The following JAKMIP3 variants were observed in gnomAD, a reference collection of about 807,000 sequenced individuals.
JAKMIP3 encodes Janus kinase and microtubule interacting protein 3.
Under a neutral mutation model 118.5 loss-of-function variants are expected in JAKMIP3, and 58 were observed. The observed-to-expected ratio is 0.49, with a 90% CI of 0.40 to 0.61. The LOEUF (loss-of-function observed/expected upper bound fraction) is 0.61, where lower values mean the gene tolerates loss of function less well. JAKMIP3 is among the 20% of genes least tolerant of loss of function. The pLI is 0.00. For synonymous variants in JAKMIP3, 486 were observed against 451.2 expected (o/e 1.08, Z -0.98); for missense variants, 950 against 1,109.0 (o/e 0.86, Z 2.04).
chr10:132,048,536 C>T (rs1400227175), intron 1 of JAKMIP3, among the ~76,000 whole-genome samples: 1 of 152,190 alleles, frequency 6.6e-6, no homozygotes, highest in Non-Finnish European at 1.5e-5. Context: ...CTTTGAGCTT[C>T]AGGAGCTCCT....
At chr10:132,147,164 G>C (rs1301866051) in intron 13 of JAKMIP3, among the ~76,000 whole-genome samples, 4 of 152,220 alleles carry the variant, frequency 2.6e-5, no homozygotes, top group African/African-American at 9.6e-5. Flanking sequence ...GCAGTACACA[G>C]CTGGCCCTGC....
intron 19 of JAKMIP3, among the ~76,000 whole-genome samples, chr10:132,160,869 G>T (rs2058108149): frequency 6.2e-5 from 1 of 16,178 alleles, no homozygotes; most frequent in Non-Finnish European, 9.9e-5. Flanking sequence ...CTTACTGGGG[G>T]GGGCCTCTCC....
chr10:132,152,527 C>A (rs1030749202), intron 16 of JAKMIP3, among the ~76,000 whole-genome samples: 1 of 152,182 alleles, frequency 6.6e-6, no homozygotes, highest in Non-Finnish European at 1.5e-5. Flanking sequence ...CAGCCATGAA[C>A]ATGTGGTCTC....
chr10:132,148,989 G>A (rs1010178190), intron 14 of JAKMIP3, among the ~76,000 whole-genome samples: 1 of 152,324 alleles, frequency 6.6e-6, no homozygotes, highest in Non-Finnish European at 1.5e-5. Flanking sequence ...CCTCGGCCAC[G>A]TGGGCCTGCC....
intron 13 of JAKMIP3, among the ~76,000 whole-genome samples, chr10:132,146,992 A>G (rs1239850353): frequency 3.9e-5 from 6 of 152,346 alleles, no homozygotes; most frequent in Non-Finnish European, 8.8e-5. Flanking sequence ...TGGCATGTAC[A>G]CTTGAAGACA....
chr10:132,133,129 G>A (rs943212840), intron 3 of JAKMIP3, among the ~76,000 whole-genome samples, 183 bp from the exon 4 acceptor site: 1 of 152,200 alleles, frequency 6.6e-6, no homozygotes, highest in African/African-American at 2.4e-5. Flanking sequence ...CTGAGCCAGG[G>A]CCTGCTGGGA....
intron 1 of JAKMIP3, among the ~76,000 whole-genome samples, chr10:132,100,505 G>T (rs1382101743): frequency 6.6e-6 from 1 of 152,148 alleles, no homozygotes; most frequent in African/African-American, 2.4e-5. Context: ...ACACACCCTT[G>T]AGACTGGATG....
intron 13 of JAKMIP3, among the ~76,000 whole-genome samples, chr10:132,147,330 A>G (rs534648364): frequency 6.6e-6 from 1 of 152,324 alleles, no homozygotes; most frequent in Non-Finnish European, 1.5e-5. Flanking sequence ...CCCTGCCCTC[A>G]TGAGGCTGCT....
rs907225328 is a variant in JAKMIP3 at position 132,122,244 on chromosome 10, G to A, written c.633+4670G>A. Among the ~76,000 whole-genome samples, 159 of 151,572 alleles carry A rather than the reference G, an allele frequency of 1.0e-3. 1 individual carries two copies. Among genetic ancestry groups the A allele is most frequent in the Non-Finnish European group, 1.3e-4 (9 of 67,814 alleles). ...CCCGGTCGGCTCCCCGGCTGTTGGGGCCCTGACTGCCCCCCGGTCGGCTCC... is the reference window on the plus strand; with the variant it reads ...CCCGGTCGGCTCCCCGGCTGTTGGGACCCTGACTGCCCCCCGGTCGGCTCC... On this transcript the variant is annotated intron_variant, in intron 3 of 23. Coordinates refer to ENST00000684848, the MANE Select transcript of JAKMIP3 (RefSeq NM_001323087.2).
chr10:132,142,655 G>A (rs1564955019), intron 11 of JAKMIP3, among the ~76,000 whole-genome samples: 3 of 152,226 alleles, frequency 2.0e-5, no homozygotes, highest in East Asian at 1.9e-4. Context: ...ACCAGGCCTC[G>A]TGGGGAGAGC....
At chr10:132,088,452 TG>T (rs1398670091) in intron 1 of JAKMIP3, among the ~76,000 whole-genome samples, 1 of 152,194 alleles carries the variant, frequency 6.6e-6, no homozygotes, top group Non-Finnish European at 1.5e-5. Context: ...ATTTCTCTGA[TG>T]GCCAGTGATG....
chr10:132,164,084 C>T (rs910187384), intron 20 of JAKMIP3, among the ~76,000 whole-genome samples: 1 of 152,234 alleles, frequency 6.6e-6, no homozygotes, highest in Non-Finnish European at 1.5e-5. Flanking sequence ...AGTTGAAATT[C>T]ACATAAACAA....
chr10:132,180,646 CGTGTGCGTGTGCGTGTGTGCGTGTGTGT>C (rs2060951977), intron 23 of JAKMIP3, among the ~76,000 whole-genome samples: 2 of 8,314 alleles, frequency 2.4e-4, no homozygotes, highest in Non-Finnish European at 4.3e-4. Flanking sequence ...TGCGTGTGTG[CGTGTGCGTGTGCGTGTGTGCGTGTGTGT>C]GCGCGCGCGT....
At position 132,163,391 on chromosome 10, in the gene JAKMIP3, G is replaced by T; in HGVS notation, c.2403G>T (p.Glu801Asp). ...RDAQILRERMELLQLAQQRIK... is the reference protein window; with the variant it reads ...RDAQILRERMDLLQLAQQRIK... ...CCCAGATCCTGCGGGAGCGCATGGA[G>T]CTGCTGCAGCTGGCTCAGCAGGTGT... Residue 801 changes from glutamate (E) to aspartate (D), a missense_variant, in exon 20 of 24, where the codon GAG becomes GAT. Transcript: ENST00000684848. The T allele has an allele frequency of 6.2e-7, 1 of 1,602,070 alleles. No homozygotes were observed. Among genetic ancestry groups the T allele is most frequent in the Non-Finnish European group, 8.5e-7 (1 of 1,178,494 alleles).
At chr10:132,095,320 G>A (rs1390510066) in intron 1 of JAKMIP3, among the ~76,000 whole-genome samples, 1 of 152,212 alleles carries the variant, frequency 6.6e-6, no homozygotes, top group Admixed American at 6.5e-5. Flanking sequence ...CAGTGCCTCT[G>A]GCTGCCCTTC....
At chr10:132,077,418 C>T (rs1002738468) in intron 1 of JAKMIP3, among the ~76,000 whole-genome samples, 9 of 152,344 alleles carry the variant, frequency 5.9e-5, no homozygotes, top group Admixed American at 3.3e-4. Context: ...GAAGGGCACA[C>T]TGGGCCACAG....
chr10:132,123,136 C>T (rs2048845374), intron 3 of JAKMIP3, among the ~76,000 whole-genome samples: 1 of 152,198 alleles, frequency 6.6e-6, no homozygotes, highest in African/African-American at 2.4e-5. Context: ...AGGGGCGAGG[C>T]ACTTTCCACC....
At position 132,117,302 on chromosome 10, in the gene JAKMIP3, A is replaced by G. The variant is rs1310890394; in HGVS notation, c.361A>G (p.Ser121Gly). The change falls in exon 3 of 24, where the codon AGT becomes GGT. Residue 121 changes from serine to glycine, a missense_variant. Transcript: ENST00000684848. The surrounding 1 kb of genome is among the most constrained non-coding windows in gnomAD (Gnocchi z 8.6). ...NENQRLQALL[S>G]ALRDGGPEKV... Reference sequence around the variant, plus strand: ...GAACCAGCGGCTGCAGGCACTGCTCAGTGCCCTGCGTGATGGCGGCCCCGA... The same window carrying G: ...GAACCAGCGGCTGCAGGCACTGCTCGGTGCCCTGCGTGATGGCGGCCCCGA... 1 of 1,613,976 alleles carries G rather than the reference A, an allele frequency of 6.2e-7. No individual in the cohort carries two copies. The highest frequency in any genetic ancestry group is 8.5e-7 in the Non-Finnish European group (1 of 1,179,900).
At position 132,180,606 on chromosome 10, in the gene JAKMIP3, TGTGTGTGTGC is replaced by T. The variant is rs1326555299; in HGVS notation, c.*1104-1733_*1104-1724del. The stretch of plus-strand genomic sequence containing the variant: ...GTGCGCGTGTGTGTGTGCGTGCGCG[TGTGTGTGTGC>T]GTGTGTGTGCGTGTGTGCGTGCGTG... On this transcript the variant is annotated intron_variant, in intron 23 of 23. Coordinates refer to ENST00000684848, the MANE Select transcript of JAKMIP3 (RefSeq NM_001323087.2). Among the ~76,000 whole-genome samples the T allele has an allele frequency of 7.5e-3, 187 of 24,798 alleles. 66 individuals carry two copies. The highest frequency in any genetic ancestry group is 0.075 in the South Asian group (38 of 506). The allele number at this position is 24,798 out of a possible 152,430, so 16.3% of individuals were successfully genotyped here.
Sources: allele counts gnomAD v4.1 joint callset (sites outside exome capture counted in the v4.1 genomes callset), GRCh38; gene constraint gnomAD v4.1.1; non-coding constraint Gnocchi (gnomAD v3.1); transcripts MANE v1.5; gene names NCBI Gene and HGNC (gene_info 2026-07-23, HGNC 2026-07-21).